Variants in UGT1A9 observed in about 807,000 individuals in gnomAD.
UGT1A9 encodes the protein UDP-glucuronosyltransferase 1A9.
In UGT1A9, 35 loss-of-function variants were observed where a neutral mutation model predicts 45.0. The ratio of observed to expected loss-of-function variants is 0.78; its 90% CI spans 0.59 to 1.03. UGT1A9 has a LOEUF of 1.03. Ranked by LOEUF, UGT1A9 falls within the 50% of genes least tolerant of loss-of-function variation. The pLI, the probability that UGT1A9 is intolerant of heterozygous loss-of-function variation, is 0.00. For synonymous variants in UGT1A9, 278 were observed against 250.6 expected (o/e 1.11, Z -1.03); for missense variants, 687 against 666.6 (o/e 1.03, Z -0.34).
Position 233,672,361 on chromosome 2 carries a change from G to C in UGT1A9, c.427G>C (p.Asp143His), listed in dbSNP as rs2074223468. Residue 143 changes from aspartate to histidine, a missense_variant, in exon 1 of 5, where the codon GAT becomes CAT. Coordinates refer to ENST00000354728, the MANE Select transcript of UGT1A9 (RefSeq NM_021027.3). ...LVEYLKESSF[D>H]AVFLDPFDNC... is the part of the protein sequence containing the mutation. ...AGAATACTTAAAGGAGAGTTCTTTT[G>C]ATGCAGTGTTTCTCGATCCTTTTGA... The C allele has an allele frequency of 6.2e-7, 1 of 1,614,076 alleles. No homozygotes were observed. Among genetic ancestry groups the C allele is most frequent in the Non-Finnish European group, 8.5e-7 (1 of 1,180,012 alleles).
Position 233,672,399 on chromosome 2 carries a change from A to G in UGT1A9, c.465A>G (p.Leu155=). ...VFLDPFDNCG[L]IVAKYFSLPS... ...TCGATCCTTTTGATAACTGTGGCTT[A>G]ATTGTTGCCAAATATTTCTCCCTCC... Residue 155 remains leucine, a synonymous_variant, in exon 1 of 5, where the codon TTA becomes TTG. Transcript: ENST00000354728. 6.2e-7 allele frequency: 1 copy of G among 1,614,050 alleles called. No individual in the cohort carries two copies.
intron 1 of UGT1A9, chr2:233,713,996 A>C: frequency 6.4e-7 from 1 of 1,559,392 alleles, no homozygotes; most frequent in Non-Finnish European, 8.7e-7. Flanking sequence ...AATAGTCTTC[A>C]GTGAGATAAA....
Position 233,768,253 on chromosome 2 carries a change from C to G in UGT1A9, c.1109C>G (p.Ala370Gly). ...HPMTRAFITH[A>G]GSHGVYESIC... ...ATGACCCGTGCCTTTATCACCCATG[C>G]TGGTTCCCATGGTGTTTATGAAAGC... The change falls in exon 4 of 5, where the codon GCT becomes GGT. Residue 370 changes from alanine (A) to glycine (G), a missense_variant. Transcript: ENST00000354728. 6.2e-7 allele frequency: 1 copy of G among 1,614,206 alleles called. No homozygotes were observed. Among genetic ancestry groups the G allele is most frequent in the Non-Finnish European group, 8.5e-7 (1 of 1,180,038 alleles).
At chr2:233,714,022 T>C (rs1174092700) in intron 1 of UGT1A9, among the ~76,000 whole-genome samples, 2 of 152,152 alleles carry the variant, frequency 1.3e-5, no homozygotes, top group Non-Finnish European at 2.9e-5. Context: ...AAAGGGTCAA[T>C]GGTAGTGCAG....
intron 1 of UGT1A9, among the ~76,000 whole-genome samples, chr2:233,763,201 A>G (rs1698260183): frequency 6.6e-6 from 1 of 152,250 alleles, no homozygotes; most frequent in South Asian, 2.1e-4. Flanking sequence ...TGTTTGGTGC[A>G]GTCAGGCTTA....
chr2:233,703,805 ATC>A (rs199842115), intron 1 of UGT1A9, among the ~76,000 whole-genome samples: 4 of 137,188 alleles, frequency 2.9e-5, no homozygotes, highest in East Asian at 1.9e-4. Context: ...CAGTCTGATA[ATC>A]TCTGTCTTTT....
At chr2:233,724,084 T>C (rs1206273718) in intron 1 of UGT1A9, among the ~76,000 whole-genome samples, 23 of 99,034 alleles carry the variant, frequency 2.3e-4, no homozygotes, top group African/African-American at 1.2e-3. Flanking sequence ...GCAGAGGGGC[T>C]CCTCACTTCC....
intron 1 of UGT1A9, among the ~76,000 whole-genome samples, chr2:233,699,210 G>GA (rs1003409179): frequency 4.1e-4 from 61 of 150,002 alleles, no homozygotes; most frequent in Admixed American, 1.4e-3. Flanking sequence ...GCTGTTGCAT[G>GA]AAAAAAAAAC....
intron 1 of UGT1A9, chr2:233,747,106 CATG>C: frequency 1.5e-6 from 2 of 1,377,620 alleles, no homozygotes; most frequent in Non-Finnish European, 2.0e-6. Context: ...CTTCCAATTA[CATG>C]ATGATTTGCT....
rs747062491 is a variant in UGT1A9 at position 233,767,878 on chromosome 2, A to T, written c.1017A>T (p.Pro339=). The change falls in exon 3 of 5, where the codon CCA becomes CCT. Residue 339 remains proline, a synonymous_variant. Coordinates refer to ENST00000354728, the MANE Select transcript of UGT1A9 (RefSeq NM_021027.3). ...TGTGGCGGTACACTGGAACCCGACC[A>T]TCGAATCTTGCGAACAACACGATAC... ...TVLWRYTGTR[P]SNLANNTILV... The T allele has an allele frequency of 2.0e-4, 328 of 1,614,032 alleles. No individual in the cohort carries two copies. Among genetic ancestry groups the T allele is most frequent in the Non-Finnish European group, 2.7e-4 (318 of 1,180,042 alleles).
At position 233,725,197 on chromosome 2, in the gene UGT1A9, CAGAGGCAGAGGCAGAGGCAGA is replaced by C. The variant is rs1559370274; in HGVS notation, c.856-41836_856-41816del. ...CCGTGGGGAGAGGCAGAGGCAGAGG[CAGAGGCAGAGGCAGAGGCAGA>C]GGAGGCAGAGGCAGAGGAGGCAGAG... is the stretch of plus-strand genomic sequence containing the variant. On this transcript the variant is annotated intron_variant, in intron 1 of 4. Transcript: ENST00000354728. Among the ~76,000 whole-genome samples the C allele has an allele frequency of 9.0e-4, 74 of 81,846 alleles. 30 individuals carry two copies. Among genetic ancestry groups the C allele is most frequent in the African/African-American group, 7.3e-3 (68 of 9,378 alleles). 53.7% of individuals were successfully genotyped at this position (81,846 alleles called of 152,430 possible).
rs552863758 is a variant in UGT1A9 at position 233,736,767 on chromosome 2, G to A, written c.856-30267G>A. Among the ~76,000 whole-genome samples, 7 of 152,324 alleles carry A rather than the reference G, an allele frequency of 4.6e-5. No individual in the cohort carries two copies. In the South Asian group the frequency reaches 1.2e-3, roughly 27 times the overall value. On this transcript the variant is annotated intron_variant, in intron 1 of 4. Transcript: ENST00000354728. ...CTGTTTGTTAGTTTTCCTTCTAACA[G>A]TCAGATCCCTCAGCTGCAGGTCTGT... is the stretch of plus-strand genomic sequence containing the variant.
At chr2:233,718,817 T>C in intron 1 of UGT1A9, 1 of 1,613,436 alleles carries the variant, frequency 6.2e-7, no homozygotes, top group African/African-American at 1.3e-5. Context: ...TGGCTTCTGC[T>C]GAGATGGCCA....
At chr2:233,742,511 A>C (rs1428333329) in intron 1 of UGT1A9, among the ~76,000 whole-genome samples, 6 of 151,858 alleles carry the variant, frequency 4.0e-5, no homozygotes, top group Non-Finnish European at 2.9e-5. Flanking sequence ...TATCATGAAC[A>C]CGTCACAGTG....
chr2:233,677,844 C>A (rs374876034), intron 1 of UGT1A9, among the ~76,000 whole-genome samples: 1 of 151,532 alleles, frequency 6.6e-6, no homozygotes, highest in Admixed American at 6.6e-5. Context: ...TAAAAAAAAT[C>A]GTTTTACCAA....
intron 1 of UGT1A9, among the ~76,000 whole-genome samples, chr2:233,744,210 A>G (rs564002534): frequency 6.6e-6 from 1 of 151,916 alleles, no homozygotes; most frequent in South Asian, 2.1e-4. Flanking sequence ...TGGGAAAAAG[A>G]GGTTGGGGAA....
chr2:233,703,659 G>T (rs568128054), intron 1 of UGT1A9, among the ~76,000 whole-genome samples: 1 of 151,826 alleles, frequency 6.6e-6, no homozygotes, highest in African/African-American at 2.4e-5. Context: ...ATTTCTTTTG[G>T]TTGCTGTTTC....
In UGT1A9 at chr2:233,754,741, T is replaced by C; in HGVS notation, c.856-12293T>C. On this transcript the variant is annotated intron_variant, in intron 1 of 4. Coordinates refer to ENST00000354728, the MANE Select transcript of UGT1A9 (RefSeq NM_021027.3). Reference sequence around the variant, plus strand: ...CCTGTCCCATCACTACCGTAGGACATGCAGAAGGAAGAAAGGCCCCCACTT... The same window carrying C: ...CCTGTCCCATCACTACCGTAGGACACGCAGAAGGAAGAAAGGCCCCCACTT... The C allele has an allele frequency of 7.1e-6, 5 of 707,448 alleles. No homozygotes were observed. In the South Asian group the frequency reaches 7.2e-5, roughly 10 times the overall value. The allele number at this position is 707,448 out of a possible 1,614,324, so 43.8% of individuals were successfully genotyped here. A position where few individuals can be genotyped will look rare whatever the true frequency, so the allele number is the denominator to read the frequency against.
In UGT1A9 at chr2:233,672,984, A is replaced by ATT. The variant is rs564359853; in HGVS notation, c.855+197_855+198dup. Among the ~76,000 whole-genome samples the ATT allele has an allele frequency of 2.0e-3, 309 of 152,320 alleles. 1 individual carries two copies. The highest frequency in any genetic ancestry group is 6.6e-4 in the Non-Finnish European group (45 of 68,036). On this transcript the variant is annotated intron_variant, in intron 1 of 4. Coordinates refer to ENST00000354728, the MANE Select transcript of UGT1A9 (RefSeq NM_021027.3). ...AAAACTGCCCTTCTTGAAGATATGT[A>ATT]TTTATAACTTATAAAATTGTGGAAC...
Sources: allele counts gnomAD v4.1 joint callset (sites outside exome capture counted in the v4.1 genomes callset), GRCh38; gene constraint gnomAD v4.1.1; transcripts MANE v1.5; gene names NCBI Gene and HGNC (gene_info 2026-07-23, HGNC 2026-07-21).